EIF2B3: variants seen among roughly 807,000 people sequenced by gnomAD.
EIF2B3 encodes the protein eukaryotic translation initiation factor 2B subunit gamma, also known as translation initiation factor eIF2B subunit gamma.
In EIF2B3, 20 loss-of-function variants were observed where a neutral mutation model predicts 54.1. The ratio of observed to expected loss-of-function variants is 0.37; its 90% CI spans 0.26 to 0.54. The LOEUF (loss-of-function observed/expected upper bound fraction) is 0.54. EIF2B3 is among the 20% of genes least tolerant of loss of function. The probability of loss-of-function intolerance (pLI) is 0.86; values close to 1 mark genes in which losing one functional copy is unlikely to be tolerated. For synonymous variants in EIF2B3, 153 were observed against 188.1 expected, an observed-to-expected ratio of 0.81 and a Z score of 1.52; for missense variants, 448 against 547.8, an observed-to-expected ratio of 0.82 and a Z score of 1.82.
At chr1:44,878,992 C>G (rs1168250930) in intron 8 of EIF2B3, among the ~76,000 whole-genome samples, 1 of 152,090 alleles carries the variant, frequency 6.6e-6, no homozygotes, top group Non-Finnish European at 1.5e-5. Flanking sequence ...AACTCCTGGA[C>G]TCAAGCGATC....
Position 44,857,268 on chromosome 1 carries a change from G to A in EIF2B3, c.1306+436C>T, listed in dbSNP as rs187680229. ...AGTGATGCCAGGTGCGGTGGCTTACGCCTGTAATCCCAGCACTTTGGGAGG... is the reference window on the plus strand; with the variant it reads ...AGTGATGCCAGGTGCGGTGGCTTACACCTGTAATCCCAGCACTTTGGGAGG... On this transcript the variant is annotated intron_variant, in intron 11 of 11. Transcript: ENST00000360403. Among the ~76,000 whole-genome samples the A allele has an allele frequency of 4.9e-3, 742 of 152,228 alleles. 2 individuals carry two copies. The highest frequency in any genetic ancestry group is 0.01 in the East Asian group (53 of 5,184).
intron 10 of EIF2B3, among the ~76,000 whole-genome samples, chr1:44,859,089 A>G (rs1421057435): frequency 6.6e-6 from 1 of 152,182 alleles, no homozygotes; most frequent in East Asian, 1.9e-4. Flanking sequence ...ACTTGGGCCC[A>G]GGAGTTTAAG....
chr1:44,852,583 C>T (rs1203016627), intron 11 of EIF2B3, among the ~76,000 whole-genome samples: 3 of 152,030 alleles, frequency 2.0e-5, no homozygotes, highest in Non-Finnish European at 1.5e-5. Context: ...AGTTCAAGAC[C>T]AGCCTGGCCA....
rs543854888 is a variant in EIF2B3 at position 44,883,075 on chromosome 1, C to T, written c.657-1336G>A. The stretch of plus-strand genomic sequence containing the variant: ...ACCCAAGTAGCTGGGATTACAGGCG[C>T]CGGCCACCATGCCTGGCTAATTTTT... On this transcript the variant is annotated intron_variant, in intron 6 of 11. Coordinates refer to ENST00000360403, the MANE Select transcript of EIF2B3 (RefSeq NM_020365.5). 2.6e-5 allele frequency among the ~76,000 whole-genome samples: 4 copies of T among 151,114 alleles called. No individual in the cohort carries two copies. The South Asian group carries it at 8.5e-4, about 32-fold the overall frequency.
intron 5 of EIF2B3, among the ~76,000 whole-genome samples, chr1:44,917,864 C>G (rs1643658295): frequency 6.9e-6 from 1 of 145,486 alleles, no homozygotes; most frequent in African/African-American, 2.5e-5. Flanking sequence ...AGCTCCGCCT[C>G]CCGGGTTCAC....
At chr1:44,957,626 T>A (rs1302532800) in intron 3 of EIF2B3, among the ~76,000 whole-genome samples, 2 of 152,084 alleles carry the variant, frequency 1.3e-5, no homozygotes, top group Non-Finnish European at 2.9e-5. Context: ...CTGGGCGTGG[T>A]GGCATGTGCC....
chr1:44,934,792 AC>A (rs1643930229), intron 4 of EIF2B3, among the ~76,000 whole-genome samples: 1 of 152,106 alleles, frequency 6.6e-6, no homozygotes, highest in Non-Finnish European at 1.5e-5. Flanking sequence ...GGTGTGTGCC[AC>A]ACGCCTGGCC....
Position 44,883,701 on chromosome 1 carries a change from G to A in EIF2B3, c.657-1962C>T, listed in dbSNP as rs263957. Among the ~76,000 whole-genome samples, 1,016 of 152,240 alleles carry A rather than the reference G, an allele frequency of 6.7e-3. 12 individuals are homozygous for A. The highest frequency in any genetic ancestry group is 0.023 in the African/African-American group (964 of 41,538). ...AGTAATAATAAAATTCTGGTTTCCC[G>A]TTTAGCTGCCTCTATGTGTATTAAA... is the stretch of plus-strand genomic sequence containing the variant. On this transcript the variant is annotated intron_variant, in intron 6 of 11. Coordinates refer to ENST00000360403, the MANE Select transcript of EIF2B3 (RefSeq NM_020365.5).
intron 3 of EIF2B3, among the ~76,000 whole-genome samples, chr1:44,962,210 T>TCATCAC (rs1644292797): frequency 6.8e-6 from 1 of 146,014 alleles, no homozygotes; most frequent in Admixed American, 6.8e-5. Flanking sequence ...ATCAACATCA[T>TCATCAC]CATCATCATC....
chr1:44,857,949 G>T, intron 10 of EIF2B3, 142 bp from the exon 11 acceptor site: 9 of 760,984 alleles, frequency 1.2e-5, no homozygotes, highest in South Asian at 1.2e-4. Context: ...AGTTATCAGT[G>T]GAAGACAGAA....
At chr1:44,874,157 C>T (rs2148900958) in intron 10 of EIF2B3, among the ~76,000 whole-genome samples, 1 of 152,276 alleles carries the variant, frequency 6.6e-6, no homozygotes, top group East Asian at 1.9e-4. Context: ...TGTACAACTT[C>T]TTCATTTTCC....
At chr1:44,862,046 T>C (rs76822284) in intron 10 of EIF2B3, among the ~76,000 whole-genome samples, 106 of 152,258 alleles carry the variant, frequency 7.0e-4, no homozygotes, top group Admixed American at 2.2e-3. Context: ...GATAGGACCT[T>C]ATCAAACAAA....
rs970635438 is a variant in EIF2B3, at chr1:44,875,547, G to T, written c.1053+71C>A. On this transcript the variant is annotated intron_variant, in intron 9 of 11. Transcript: ENST00000360403. ...GTTCAGGACTTAAAGGCCTCAATCC[G>T]GCTTCTCAAAAACAAGTCTCGATGC... is the stretch of plus-strand genomic sequence containing the variant. The T allele has an allele frequency of 4.1e-6, 6 of 1,464,712 alleles. No individual in the cohort carries two copies. In the South Asian group the frequency reaches 6.9e-5, roughly 17 times the overall value. 90.7% of individuals were successfully genotyped at this position (1,464,712 alleles called of 1,614,324 possible).
chr1:44,975,300 G>A (rs11211062), intron 3 of EIF2B3, among the ~76,000 whole-genome samples: 21,642 of 152,160 alleles, frequency 0.14, 1,690 homozygotes, highest in Non-Finnish European at 0.17. Context: ...ACAATTATGT[G>A]TTACTTAATG....
chr1:44,879,023 A>G (rs898776640), intron 8 of EIF2B3, among the ~76,000 whole-genome samples: 2 of 151,932 alleles, frequency 1.3e-5, no homozygotes, highest in African/African-American at 2.4e-5. Context: ...GGCCTCCCAA[A>G]TTGCTAGGAT....
chr1:44,910,601 T>C (rs1025208775), intron 5 of EIF2B3, among the ~76,000 whole-genome samples: 2 of 150,352 alleles, frequency 1.3e-5, no homozygotes, highest in African/African-American at 2.4e-5. Context: ...CAAGCAAACA[T>C]TTTATCCCTC....
At chr1:44,877,827 C>T (rs527281504) in intron 8 of EIF2B3, among the ~76,000 whole-genome samples, 3 of 152,144 alleles carry the variant, frequency 2.0e-5, no homozygotes, top group Non-Finnish European at 4.4e-5. Flanking sequence ...CACTAGCTGA[C>T]GGAGGCCTTG....
At chr1:44,859,949 G>T (rs1452428533) in intron 10 of EIF2B3, among the ~76,000 whole-genome samples, 1 of 150,978 alleles carries the variant, frequency 6.6e-6, no homozygotes, top group Non-Finnish European at 1.5e-5. Flanking sequence ...GTAGAGGCAG[G>T]GTTTCGTCAT....
intron 1 of EIF2B3, among the ~76,000 whole-genome samples, chr1:44,984,214 G>A (rs958981304): frequency 4.6e-5 from 7 of 151,832 alleles, no homozygotes; most frequent in Non-Finnish European, 1.0e-4. Flanking sequence ...AGAGCCAAAA[G>A]AGCGCCAGGC....
Sources: allele counts gnomAD v4.1 joint callset (sites outside exome capture counted in the v4.1 genomes callset), GRCh38; gene constraint gnomAD v4.1.1; transcripts MANE v1.5; gene names NCBI Gene and HGNC (gene_info 2026-07-23, HGNC 2026-07-21).